ALMS1: variants seen among roughly 807,000 people sequenced by gnomAD.
ALMS1 encodes the protein ALMS1 centrosome and basal body associated protein, also known as centrosome-associated protein ALMS1.
A neutral mutation model predicts 352.2 loss-of-function variants in ALMS1; 271 were observed. The ratio of observed to expected loss-of-function variants is 0.77; its 90% CI spans 0.70 to 0.85. The LOEUF is 0.85. ALMS1 is among the 40% of genes least tolerant of loss of function. The pLI, the probability that ALMS1 is intolerant of heterozygous loss-of-function variation, is 0.00. For missense variants in ALMS1, 5,445 were observed against 4,870.7 expected (o/e 1.12, Z -3.51); for synonymous variants, 1,865 against 1,761.2 (o/e 1.06, Z -1.48).
intron 12 of ALMS1, among the ~76,000 whole-genome samples, chr2:73,539,449 A>T (rs1037566640): frequency 2.0e-5 from 3 of 152,198 alleles, no homozygotes; most frequent in Admixed American, 6.5e-5. Flanking sequence ...AAAACTGAAA[A>T]TTCTAAAAAT....
chr2:73,517,409 G>A (rs1673583191), intron 10 of ALMS1, among the ~76,000 whole-genome samples: 1 of 151,124 alleles, frequency 6.6e-6, no homozygotes. Flanking sequence ...GCATGCCACT[G>A]TGCCTATTTT....
At chr2:73,440,895 A>C (rs1166824054) in intron 7 of ALMS1, among the ~76,000 whole-genome samples, 1 of 152,184 alleles carries the variant, frequency 6.6e-6, no homozygotes, top group Non-Finnish European at 1.5e-5. Context: ...GCTCTGGCCT[A>C]TTTATGTGGC....
intron 3 of ALMS1, among the ~76,000 whole-genome samples, chr2:73,421,014 C>G (rs192196242): frequency 6.6e-6 from 1 of 152,282 alleles, no homozygotes; most frequent in East Asian, 1.9e-4. Context: ...GTAAAATACA[C>G]CACCTTCCCA....
chr2:73,447,832 T>C, intron 7 of ALMS1, 128 bp from the exon 8 acceptor site: 1 of 1,248,784 alleles, frequency 8.0e-7, no homozygotes, highest in Non-Finnish European at 1.1e-6. Context: ...ATTTATCTCC[T>C]TTGATGGCTG....
At chr2:73,585,741 T>TTTTTTG (rs1553420024) in intron 16 of ALMS1, among the ~76,000 whole-genome samples, 1 of 148,528 alleles carries the variant, frequency 6.7e-6, no homozygotes, top group Admixed American at 6.7e-5. Context: ...TTTTTTTTTT[T>TTTTTTG]CCCCGAGACG....
chr2:73,568,856 A>G (rs1025336443), intron 15 of ALMS1, among the ~76,000 whole-genome samples: 1 of 152,120 alleles, frequency 6.6e-6, no homozygotes, highest in East Asian at 1.9e-4. Context: ...TTCCATTATC[A>G]GAAGTAAATA....
chr2:73,392,245 C>A (rs899463274), intron 1 of ALMS1, among the ~76,000 whole-genome samples: 1 of 138,664 alleles, frequency 7.2e-6, no homozygotes, highest in Non-Finnish European at 1.5e-5. Flanking sequence ...TTACTATTTC[C>A]TTAGGTTTAC....
intron 13 of ALMS1, among the ~76,000 whole-genome samples, chr2:73,556,332 CTCTAT>C (rs1444899954): frequency 6.6e-6 from 1 of 152,026 alleles, no homozygotes; most frequent in Non-Finnish European, 1.5e-5. Flanking sequence ...TTTTAGCAAT[CTCTAT>C]TGCCTTTCTG....
chr2:73,503,433 A>C (rs1267380156), intron 10 of ALMS1, among the ~76,000 whole-genome samples: 1 of 152,074 alleles, frequency 6.6e-6, no homozygotes, highest in Non-Finnish European at 1.5e-5. Flanking sequence ...TGAACTCATC[A>C]TTTTTTATGG....
chr2:73,580,329 G>T (rs1322110758), intron 16 of ALMS1, among the ~76,000 whole-genome samples: 1 of 152,176 alleles, frequency 6.6e-6, no homozygotes, highest in Non-Finnish European at 1.5e-5. Flanking sequence ...TCTTTCATCT[G>T]TGTGATCAAA....
At chr2:73,399,173 A>G (rs1261170341) in intron 1 of ALMS1, among the ~76,000 whole-genome samples, 1 of 152,198 alleles carries the variant, frequency 6.6e-6, no homozygotes, top group Non-Finnish European at 1.5e-5. Context: ...ATAGACAGAC[A>G]GTCATGTCAT....
intron 6 of ALMS1, among the ~76,000 whole-genome samples, chr2:73,427,651 C>T (rs1255606743): frequency 3.3e-5 from 5 of 152,054 alleles, no homozygotes; most frequent in African/African-American, 1.2e-4. Context: ...CCCTACCCCG[C>T]GACGGGCCCT....
At chr2:73,437,671 C>A (rs1671631250) in intron 7 of ALMS1, among the ~76,000 whole-genome samples, 1 of 152,138 alleles carries the variant, frequency 6.6e-6, no homozygotes, top group South Asian at 2.1e-4. Context: ...ATCCTGAGCT[C>A]CTCACTTATC....
At chr2:73,546,077 G>A (rs1010213195) in intron 12 of ALMS1, among the ~76,000 whole-genome samples, 6 of 152,184 alleles carry the variant, frequency 3.9e-5, no homozygotes, top group African/African-American at 1.2e-4. Flanking sequence ...TTCTTGAGCA[G>A]ACACGATGTC....
rs1675736131 is a variant in ALMS1 at position 73,603,137 on chromosome 2, C to G, written c.12299-104C>G. 5 of 1,063,606 alleles carry G rather than the reference C, an allele frequency of 4.7e-6. No homozygotes were observed. The South Asian group carries it at 6.5e-5, about 14-fold the overall frequency. 65.9% of individuals were successfully genotyped at this position (1,063,606 alleles called of 1,614,324 possible). A position where few individuals can be genotyped will look rare whatever the true frequency, so the allele number is the denominator to read the frequency against. On this transcript the variant is annotated intron_variant, in intron 20 of 22. Transcript: ENST00000613296. ...TGCTCCCCACTCAGTCTTGCCAGCT[C>G]AGGGTAGGGGCACCAAGTCCTAGCA...
intron 10 of ALMS1, among the ~76,000 whole-genome samples, chr2:73,495,181 G>A (rs114184519): frequency 0.016 from 2,468 of 152,230 alleles, 69 homozygotes; most frequent in African/African-American, 0.056. Flanking sequence ...CCCTGCCCCA[G>A]AGCTGGAATC....
In ALMS1 at chr2:73,489,652, G is replaced by C. The variant is rs1672931101; in HGVS notation, c.7693G>C (p.Gly2565Arg). ...CTTCTAGGGTTTACAGAGTCCACGG[G>C]GAATGGGATGCAAGCCAGAAGCTGT... ...DLSKGLQSPRGMGCKPEAVCS... is the reference protein window; with the variant it reads ...DLSKGLQSPRRMGCKPEAVCS... The change falls in exon 10 of 23, where the codon GGA becomes CGA. Residue 2565 changes from glycine to arginine, a missense_variant. Physicochemically the swap from Gly to Arg is moderately radical, Grantham distance 125. Coordinates refer to ENST00000613296, the MANE Select transcript of ALMS1 (RefSeq NM_001378454.1). 6.2e-7 allele frequency: 1 copy of C among 1,614,070 alleles called. No homozygotes were observed. The highest frequency in any genetic ancestry group is 2.2e-5 in the East Asian group (1 of 44,890).
At chr2:73,402,988 C>T (rs1558631420) in intron 1 of ALMS1, among the ~76,000 whole-genome samples, 1 of 152,046 alleles carries the variant, frequency 6.6e-6, no homozygotes, top group Non-Finnish European at 1.5e-5. Context: ...AGTAGACTGT[C>T]TTCTCATTTT....
At chr2:73,531,453 A>G (rs1673908244) in intron 11 of ALMS1, among the ~76,000 whole-genome samples, 1 of 152,150 alleles carries the variant, frequency 6.6e-6, no homozygotes, top group Non-Finnish European at 1.5e-5. Flanking sequence ...GACTACCTCA[A>G]CCTGGACTTC....
Sources: gnomAD v4.1 joint callset for allele counts (sites outside exome capture counted in the v4.1 genomes callset) on GRCh38, gnomAD v4.1.1 for gene constraint, MANE v1.5 for transcripts, NCBI Gene and HGNC (gene_info 2026-07-23, HGNC 2026-07-21) for gene names.